Variants in GALNT10 observed in about 807,000 individuals in gnomAD.
GALNT10 encodes the protein polypeptide N-acetylgalactosaminyltransferase 10, also known as GalNAc transferase 10.
Under a neutral mutation model 75.0 loss-of-function variants are expected in GALNT10, and 41 were observed. The ratio of observed to expected loss-of-function variants is 0.55; its 90% CI spans 0.43 to 0.71. GALNT10 has a LOEUF of 0.71. Among genes scored for constraint, GALNT10 ranks in the 30% least tolerant of loss-of-function variants. The probability of loss-of-function intolerance (pLI) is 0.00; values close to 1 mark genes in which losing one functional copy is unlikely to be tolerated. For synonymous variants in GALNT10, 302 were observed against 313.0 expected, an observed-to-expected ratio of 0.96 and a Z score of 0.37; for missense variants, 727 against 818.5, an observed-to-expected ratio of 0.89 and a Z score of 1.36.
At chr5:154,300,429 C>A (rs190143060) in intron 3 of GALNT10, among the ~76,000 whole-genome samples, 1 of 152,156 alleles carries the variant, frequency 6.6e-6, no homozygotes, top group Admixed American at 6.5e-5. Flanking sequence ...CAGGACCCCA[C>A]CCCAGACCAC....
chr5:154,291,416 C>T (rs73279685), intron 1 of GALNT10, among the ~76,000 whole-genome samples: 25,542 of 152,004 alleles, frequency 0.17, 2,280 homozygotes, highest in Non-Finnish European at 0.18. Flanking sequence ...CAGGCCCCGC[C>T]CTAGACCTAC....
intron 4 of GALNT10, among the ~76,000 whole-genome samples, chr5:154,369,095 G>T (rs1755522894): frequency 6.6e-6 from 1 of 152,206 alleles, no homozygotes; most frequent in Non-Finnish European, 1.5e-5. Flanking sequence ...GTTGTCACAA[G>T]AATGAAATGA....
intron 1 of GALNT10, among the ~76,000 whole-genome samples, chr5:154,255,980 A>T (rs143982392): frequency 5.9e-5 from 9 of 152,094 alleles, no homozygotes; most frequent in Non-Finnish European, 1.3e-4. Flanking sequence ...ATCCATTACC[A>T]GTGAAGTATA....
intron 7 of GALNT10, chr5:154,392,963 T>C (rs1160536592): frequency 2.1e-5 from 3 of 146,274 alleles, no homozygotes; most frequent in South Asian, 4.2e-4. Flanking sequence ...TAGCAGAAGA[T>C]TGAAAATGAC....
intron 3 of GALNT10, among the ~76,000 whole-genome samples, chr5:154,306,855 T>C (rs1366017988): frequency 6.6e-6 from 1 of 152,192 alleles, no homozygotes; most frequent in Non-Finnish European, 1.5e-5. Flanking sequence ...AAGGATATAG[T>C]AGACTCTCAC....
intron 3 of GALNT10, among the ~76,000 whole-genome samples, chr5:154,323,410 T>G (rs1216741570): frequency 1.3e-5 from 2 of 150,566 alleles, no homozygotes; most frequent in Non-Finnish European, 3.0e-5. Flanking sequence ...AGCTTGAGGG[T>G]CACACAAAAA....
At chr5:154,227,704 G>A (rs1753084738) in intron 1 of GALNT10, among the ~76,000 whole-genome samples, 1 of 150,904 alleles carries the variant, frequency 6.6e-6, no homozygotes, top group Non-Finnish European at 1.5e-5. Flanking sequence ...TATGCTTTTG[G>A]TGTTGTATCT....
rs1031291426 is a variant in GALNT10 at position 154,358,303 on chromosome 5, G to T, written c.569-17974G>T. 1.0e-4 allele frequency among the ~76,000 whole-genome samples: 15 copies of T among 150,562 alleles called. No individual in the cohort carries two copies. In the South Asian group the frequency reaches 3.0e-3, roughly 30 times the overall value. ...GTGGGGTCTCCTTGGGGGCTCCAAG[G>T]CTGGTGCCATTTCTCCTGGCTTAGA... is the stretch of plus-strand genomic sequence containing the variant. On this transcript the variant is annotated intron_variant, in intron 4 of 11. Transcript: ENST00000297107.
At chr5:154,334,935 C>T (rs545835838) in intron 4 of GALNT10, among the ~76,000 whole-genome samples, 1 of 152,342 alleles carries the variant, frequency 6.6e-6, no homozygotes, top group East Asian at 1.9e-4. Flanking sequence ...TGCACTCTCA[C>T]ACCATGCCAG....
rs560540394 is a variant in GALNT10 at position 154,319,221 on chromosome 5, A to G, written c.402-10351A>G. ...AGGGTGAGGGAAACAGAGGGAGGACACAGAAGAGTCTGTGTGCTTTATGCC... is the reference window on the plus strand; with the variant it reads ...AGGGTGAGGGAAACAGAGGGAGGACGCAGAAGAGTCTGTGTGCTTTATGCC... On this transcript the variant is annotated intron_variant, in intron 3 of 11. Coordinates refer to ENST00000297107, the MANE Select transcript of GALNT10 (RefSeq NM_198321.4). Among the ~76,000 whole-genome samples the G allele has an allele frequency of 2.1e-4, 32 of 152,334 alleles. No homozygotes were observed. The South Asian group carries it at 6.4e-3, about 31-fold the overall frequency.
chr5:154,207,826 C>T (rs1775134447), intron 1 of GALNT10, among the ~76,000 whole-genome samples: 1 of 152,152 alleles, frequency 6.6e-6, no homozygotes, highest in Non-Finnish European at 1.5e-5. Flanking sequence ...GAGGCTAAAA[C>T]ACAGTTAGGG....
intron 7 of GALNT10, among the ~76,000 whole-genome samples, chr5:154,400,675 C>T (rs1215689266): frequency 6.6e-6 from 1 of 152,146 alleles, no homozygotes; most frequent in Admixed American, 6.5e-5. Context: ...GGCAATGAAG[C>T]AAGATGCTGT....
intron 3 of GALNT10, among the ~76,000 whole-genome samples, chr5:154,320,623 G>T (rs1754659200): frequency 6.6e-6 from 1 of 152,134 alleles, no homozygotes; most frequent in Non-Finnish European, 1.5e-5. Flanking sequence ...TTTAAGAAGG[G>T]GTGGTTTCAT....
At chr5:154,276,320 A>G (rs1229259802) in intron 1 of GALNT10, among the ~76,000 whole-genome samples, 1 of 152,094 alleles carries the variant, frequency 6.6e-6, no homozygotes, top group Non-Finnish European at 1.5e-5. Context: ...GTCTGTTCCT[A>G]GAGGCTACCC....
chr5:154,302,573 G>A (rs895312449), intron 3 of GALNT10, among the ~76,000 whole-genome samples: 5 of 152,154 alleles, frequency 3.3e-5, no homozygotes, highest in African/African-American at 4.8e-5. Flanking sequence ...TGCAGTTTCC[G>A]GTGCAAACCC....
intron 1 of GALNT10, among the ~76,000 whole-genome samples, chr5:154,196,077 C>G (rs1304868026): frequency 6.6e-6 from 1 of 152,158 alleles, no homozygotes; most frequent in African/African-American, 2.4e-5. Flanking sequence ...GCATGCGCCA[C>G]CAAGCCTGGC....
Position 154,409,331 on chromosome 5 carries a change from C to A in GALNT10, c.1165-210C>A. On this transcript the variant is annotated intron_variant, in intron 8 of 11. Coordinates refer to ENST00000297107, the MANE Select transcript of GALNT10 (RefSeq NM_198321.4). This position sits in a 1 kb window ranked among gnomAD's most constrained non-coding sequence, Gnocchi z 4.5. ...AGATGGGCAGGCAAAACAACAGCAG[C>A]CTATGGGCCAACTATAAGCTGTGAA... 1 of 599,782 alleles carries A rather than the reference C, an allele frequency of 1.7e-6. No homozygotes were observed. The highest frequency in any genetic ancestry group is 2.9e-5 in the Admixed American group (1 of 34,400). 37.2% of individuals were successfully genotyped at this position (599,782 alleles called of 1,614,324 possible).
At chr5:154,275,218 C>G (rs1463649919) in intron 1 of GALNT10, among the ~76,000 whole-genome samples, 1 of 152,184 alleles carries the variant, frequency 6.6e-6, no homozygotes, top group Admixed American at 6.5e-5. Context: ...TGGGAGGATA[C>G]AGAGATGAAT....
At chr5:154,293,165 C>T (rs1043766694) in intron 1 of GALNT10, among the ~76,000 whole-genome samples, 3 of 152,128 alleles carry the variant, frequency 2.0e-5, no homozygotes, top group Admixed American at 1.3e-4. Flanking sequence ...AATAAACAAG[C>T]GCAGGGACGA....
Sources: allele counts gnomAD v4.1 joint callset (sites outside exome capture counted in the v4.1 genomes callset), GRCh38; gene constraint gnomAD v4.1.1; non-coding constraint Gnocchi (gnomAD v3.1); transcripts MANE v1.5; gene names NCBI Gene and HGNC (gene_info 2026-07-23, HGNC 2026-07-21).